Variants in NR5A2 observed in about 807,000 individuals in gnomAD.
The protein encoded by NR5A2 is nuclear receptor subfamily 5 group A member 2, also known as CYP7A promoter-binding factor.
NR5A2 carries 26 observed loss-of-function variants against 62.7 expected under a neutral mutation model. The ratio of observed to expected loss-of-function variants is 0.41; its 90% confidence interval spans 0.30 to 0.58. The LOEUF is 0.58. Among genes scored for constraint, NR5A2 ranks in the 20% least tolerant of loss-of-function variants. The pLI is 0.22. For missense variants in NR5A2, 541 were observed against 669.1 expected (o/e 0.81, Z 2.11); for synonymous variants, 246 against 241.7 (o/e 1.02, Z -0.16).
intron 5 of NR5A2, among the ~76,000 whole-genome samples, chr1:200,101,110 A>G (rs527556486): frequency 1.3e-5 from 2 of 152,308 alleles, no homozygotes; most frequent in South Asian, 2.1e-4. Context: ...CTATATATGC[A>G]TACATACAGA....
At chr1:200,036,645 C>G (rs1021665909) in intron 1 of NR5A2, among the ~76,000 whole-genome samples, 2 of 152,204 alleles carry the variant, frequency 1.3e-5, no homozygotes, top group African/African-American at 4.8e-5. Context: ...GCCTTGTCCA[C>G]TGCTGGCGGG....
chr1:200,145,252 G>A (rs1338543002), intron 7 of NR5A2, among the ~76,000 whole-genome samples: 3 of 152,166 alleles, frequency 2.0e-5, no homozygotes, highest in African/African-American at 4.8e-5. Context: ...GGAGGTTGCA[G>A]TGAGCTGAGA....
chr1:200,105,189 G>A (rs1665588970), intron 5 of NR5A2, among the ~76,000 whole-genome samples: 1 of 151,920 alleles, frequency 6.6e-6, no homozygotes, highest in South Asian at 2.1e-4. Context: ...TGAATTCCTG[G>A]ATGCAAGTGA....
intron 5 of NR5A2, among the ~76,000 whole-genome samples, chr1:200,085,022 C>A (rs1180416744): frequency 6.6e-6 from 1 of 152,160 alleles, no homozygotes; most frequent in Non-Finnish European, 1.5e-5. Flanking sequence ...GAAAGACAGG[C>A]AGAAGTATCC....
At chr1:200,117,220 A>G (rs1666258918) in intron 6 of NR5A2, among the ~76,000 whole-genome samples, 1 of 152,242 alleles carries the variant, frequency 6.6e-6, no homozygotes, top group African/African-American at 2.4e-5. Flanking sequence ...TGCTCCTGAA[A>G]TGAGCACAAA....
chr1:200,126,162 C>T (rs901717762), intron 7 of NR5A2, among the ~76,000 whole-genome samples: 1 of 152,136 alleles, frequency 6.6e-6, no homozygotes, highest in African/African-American at 2.4e-5. Context: ...CTTGAAAGAC[C>T]TTTAAAATCA....
intron 7 of NR5A2, among the ~76,000 whole-genome samples, chr1:200,121,368 T>G (rs936625930): frequency 1.3e-5 from 2 of 152,228 alleles, no homozygotes; most frequent in African/African-American, 4.8e-5. Context: ...TTTTTATTCT[T>G]CTAAAATATG....
rs898077122 is a variant in NR5A2 at position 200,176,035 on chromosome 1, T to G, written c.*1825T>G. The G allele has an allele frequency of 5.9e-5, 9 of 152,810 alleles. No homozygotes were observed. Among genetic ancestry groups the G allele is most frequent in the African/African-American group, 1.7e-4 (7 of 41,598 alleles). The allele number at this position is 152,810 out of a possible 1,614,324, so 9.5% of individuals were successfully genotyped here. On this transcript the variant is annotated 3_prime_UTR_variant, in exon 8 of 8. Coordinates refer to ENST00000367362, the MANE Select transcript of NR5A2 (RefSeq NM_205860.3). ...CCAAATATATGTGTTTACTGTAGCA[T>G]GTCTTCAAATTAGTGGAACTTAGTT...
At chr1:200,082,236 G>C (rs1664329623) in intron 5 of NR5A2, among the ~76,000 whole-genome samples, 1 of 152,104 alleles carries the variant, frequency 6.6e-6, no homozygotes, top group Non-Finnish European at 1.5e-5. Context: ...TCCTGATTAG[G>C]GGAAAGATGC....
chr1:200,167,582 G>T (rs865939822), intron 7 of NR5A2, among the ~76,000 whole-genome samples: 17 of 152,228 alleles, frequency 1.1e-4, no homozygotes, highest in African/African-American at 4.1e-4. Flanking sequence ...CTTTAAATCA[G>T]AAAGCTGACC....
chr1:200,105,281 A>G (rs915582450), intron 5 of NR5A2, among the ~76,000 whole-genome samples: 9 of 152,022 alleles, frequency 5.9e-5, no homozygotes, highest in African/African-American at 1.9e-4. Flanking sequence ...TCCCTACATT[A>G]TACTTTGTTC....
intron 4 of NR5A2, among the ~76,000 whole-genome samples, chr1:200,047,936 G>T (rs1012022165): frequency 6.6e-6 from 1 of 152,102 alleles, no homozygotes; most frequent in African/African-American, 2.4e-5. Flanking sequence ...CCACAAAAGG[G>T]TTAATATGTC....
intron 5 of NR5A2, among the ~76,000 whole-genome samples, chr1:200,086,320 T>C (rs1664523458): frequency 6.6e-6 from 1 of 152,158 alleles, no homozygotes; most frequent in Non-Finnish European, 1.5e-5. Flanking sequence ...TTTTTTATTT[T>C]GAGAGGGAGT....
At chr1:200,115,585 A>G (rs796089313) in intron 6 of NR5A2, among the ~76,000 whole-genome samples, 5 of 152,336 alleles carry the variant, frequency 3.3e-5, no homozygotes, top group African/African-American at 9.6e-5. Flanking sequence ...AGGGAAATCA[A>G]AGATGTAAGG....
intron 6 of NR5A2, among the ~76,000 whole-genome samples, chr1:200,112,127 C>T (rs546556670): frequency 6.6e-6 from 1 of 151,704 alleles, no homozygotes; most frequent in South Asian, 2.1e-4. Flanking sequence ...CAACACTCAT[C>T]CACAGACATG....
intron 5 of NR5A2, among the ~76,000 whole-genome samples, chr1:200,051,735 T>C (rs557181365): frequency 1.3e-5 from 2 of 152,334 alleles, no homozygotes; most frequent in East Asian, 1.9e-4. Context: ...GAGGTGACTA[T>C]TGACATTTGG....
At chr1:200,170,107 T>A (rs578131745) in intron 7 of NR5A2, among the ~76,000 whole-genome samples, 4 of 152,342 alleles carry the variant, frequency 2.6e-5, no homozygotes, top group African/African-American at 4.8e-5. Context: ...TTGGTTTTTT[T>A]AATATAATTT....
intron 1 of NR5A2, among the ~76,000 whole-genome samples, chr1:200,031,296 G>A (rs1661538260): frequency 6.6e-6 from 1 of 152,090 alleles, no homozygotes; most frequent in Non-Finnish European, 1.5e-5. Flanking sequence ...TTGGGCCCAG[G>A]AGATCCAGAC....
intron 7 of NR5A2, among the ~76,000 whole-genome samples, chr1:200,153,869 G>A (rs1653250615): frequency 6.6e-6 from 1 of 151,950 alleles, no homozygotes; most frequent in African/African-American, 2.4e-5. Flanking sequence ...ACAGATGAAA[G>A]CAAAGACAAT....
Sources: allele counts gnomAD v4.1 joint callset (sites outside exome capture counted in the v4.1 genomes callset), GRCh38; gene constraint gnomAD v4.1.1; transcripts MANE v1.5; gene names NCBI Gene and HGNC (gene_info 2026-07-23, HGNC 2026-07-21).